Variants in MAGI2 observed in about 807,000 individuals in gnomAD.
The protein encoded by MAGI2 is membrane-associated guanylate kinase, WW and PDZ domain-containing protein 2.
Under a neutral mutation model 133.3 loss-of-function variants are expected in MAGI2, and 35 were observed. The observed-to-expected ratio is 0.26, with a 90% CI of 0.20 to 0.35. The LOEUF is 0.35. Among genes scored for constraint, MAGI2 ranks in the 10% least tolerant of loss-of-function variants. The probability of loss-of-function intolerance (pLI) is 1.00; values close to 1 mark genes in which losing one functional copy is unlikely to be tolerated. For missense variants in MAGI2, 1,636 were observed against 1,863.4 expected, an observed-to-expected ratio of 0.88 and a Z score of 2.25; for synonymous variants, 729 against 710.6, an observed-to-expected ratio of 1.03 and a Z score of -0.41.
chr7:78,300,311 T>G (rs749053636), intron 9 of MAGI2, among the ~76,000 whole-genome samples: 3 of 152,210 alleles, frequency 2.0e-5, no homozygotes, highest in Non-Finnish European at 4.4e-5. Context: ...TGTAATTGTT[T>G]TTCTATGTAA....
Position 78,019,932 on chromosome 7 carries a change from G to T in MAGI2, c.3751C>A (p.Leu1251Met). ...WSSPAAAAPGLPEVGVSLDDG... is the reference protein window; with the variant it reads ...WSSPAAAAPGMPEVGVSLDDG... ...TCCAGGGAGACGCCTACTTCCGGCA[G>T]ACCTGGGGCGGCGGCAGCGGGAGAA... is the stretch of plus-strand genomic sequence containing the variant. Residue 1251 changes from leucine to methionine, a missense_variant, in exon 22 of 22, where the codon CTG becomes ATG. Leu to Met is a conservative substitution (Grantham distance 15). This residue lies in a region of MAGI2 where 354 missense variants were observed against 298.7 expected (regional missense o/e 1.19). Transcript: ENST00000354212. The T allele has an allele frequency of 1.9e-6, 3 of 1,609,726 alleles. No individual in the cohort carries two copies. Among genetic ancestry groups the T allele is most frequent in the Non-Finnish European group, 2.5e-6 (3 of 1,178,498 alleles).
At chr7:79,100,530 G>C (rs1817886611) in intron 1 of MAGI2, among the ~76,000 whole-genome samples, 1 of 151,262 alleles carries the variant, frequency 6.6e-6, no homozygotes, top group Non-Finnish European at 1.5e-5. Context: ...TTTGTAACGT[G>C]TATATCTCTT....
chr7:79,260,623 C>T (rs1411559141), intron 1 of MAGI2, among the ~76,000 whole-genome samples: 1 of 152,064 alleles, frequency 6.6e-6, no homozygotes, highest in Non-Finnish European at 1.5e-5. Flanking sequence ...TGACATGATG[C>T]CCCAATGGAA....
intron 2 of MAGI2, among the ~76,000 whole-genome samples, chr7:78,925,227 C>T (rs1427885717): frequency 6.6e-6 from 1 of 152,046 alleles, no homozygotes; most frequent in African/African-American, 2.4e-5. Context: ...ACTAATTTTT[C>T]AATCCCTTTG....
At chr7:78,638,384 A>T (rs1809904187) in intron 2 of MAGI2, among the ~76,000 whole-genome samples, 1 of 152,248 alleles carries the variant, frequency 6.6e-6, no homozygotes, top group Non-Finnish European at 1.5e-5. Context: ...TGTACCCTAA[A>T]TCTTATCCAT....
At chr7:78,435,414 G>T (rs899031001) in intron 6 of MAGI2, among the ~76,000 whole-genome samples, 1 of 152,114 alleles carries the variant, frequency 6.6e-6, no homozygotes, top group Non-Finnish European at 1.5e-5. Context: ...AGGACCAATG[G>T]ATTTCAGCTG....
Position 79,394,415 on chromosome 7 carries a change from C to T in MAGI2, c.301+58605G>A, listed in dbSNP as rs192438499. 4.7e-3 allele frequency among the ~76,000 whole-genome samples: 715 copies of T among 152,314 alleles called. 3 individuals are homozygous for T. Among genetic ancestry groups the T allele is most frequent in the Non-Finnish European group, 8.1e-3 (552 of 68,018 alleles). ...CACTGATTGTGCCGATTCCTGTTTACTCCCATTGGTTGTCATATCCAGGTG... is the reference window on the plus strand; with the variant it reads ...CACTGATTGTGCCGATTCCTGTTTATTCCCATTGGTTGTCATATCCAGGTG... On this transcript the variant is annotated intron_variant, in intron 1 of 21. Coordinates refer to ENST00000354212, the MANE Select transcript of MAGI2 (RefSeq NM_012301.4).
chr7:78,696,214 A>G (rs1174802914), intron 2 of MAGI2, among the ~76,000 whole-genome samples: 1 of 152,198 alleles, frequency 6.6e-6, no homozygotes, highest in Non-Finnish European at 1.5e-5. Context: ...TTGGGATTAC[A>G]GGCATGAACC....
chr7:79,079,059 T>C (rs1184160680), intron 1 of MAGI2, among the ~76,000 whole-genome samples: 1 of 152,216 alleles, frequency 6.6e-6, no homozygotes, highest in African/African-American at 2.4e-5. Flanking sequence ...ACATAGCAGC[T>C]GTTCCCTAAT....
At chr7:78,648,783 C>T (rs1046269101) in intron 2 of MAGI2, among the ~76,000 whole-genome samples, 1 of 151,970 alleles carries the variant, frequency 6.6e-6, no homozygotes, top group Non-Finnish European at 1.5e-5. Context: ...CAATTAATTC[C>T]TATCTATTCT....
chr7:78,087,908 T>A (rs1816801454), intron 20 of MAGI2, among the ~76,000 whole-genome samples: 2 of 152,188 alleles, frequency 1.3e-5, no homozygotes, highest in Admixed American at 1.3e-4. Flanking sequence ...TCATTACATT[T>A]TTCATATGCT....
intron 1 of MAGI2, among the ~76,000 whole-genome samples, chr7:79,036,871 G>A (rs1214135266): frequency 4.6e-5 from 7 of 152,130 alleles, no homozygotes; most frequent in South Asian, 2.1e-4. Context: ...CTATTGAGTC[G>A]ATTTTAACAA....
chr7:78,095,587 C>T (rs545409995), intron 20 of MAGI2, among the ~76,000 whole-genome samples: 4 of 152,290 alleles, frequency 2.6e-5, no homozygotes, highest in African/African-American at 9.6e-5. Flanking sequence ...ATAAGTCTCC[C>T]ATGGAGTAGA....
At chr7:79,282,046 A>ATTTCT (rs1835682370) in intron 1 of MAGI2, among the ~76,000 whole-genome samples, 5 of 152,218 alleles carry the variant, frequency 3.3e-5, no homozygotes, top group Admixed American at 3.3e-4. Context: ...TGTGTGAAGA[A>ATTTCT]AAGGGATCAA....
At chr7:79,304,468 C>T (rs190846721) in intron 1 of MAGI2, among the ~76,000 whole-genome samples, 1 of 152,138 alleles carries the variant, frequency 6.6e-6, no homozygotes, top group African/African-American at 2.4e-5. Flanking sequence ...TGTCCTAAAA[C>T]TCCCAGAAAA....
intron 2 of MAGI2, among the ~76,000 whole-genome samples, chr7:78,714,868 G>A (rs1819552951): frequency 6.6e-6 from 1 of 152,184 alleles, no homozygotes. Flanking sequence ...AAACCCAAGA[G>A]GGAATGGCAA....
chr7:78,123,167 G>A (rs1820631541), intron 20 of MAGI2, among the ~76,000 whole-genome samples: 1 of 151,988 alleles, frequency 6.6e-6, no homozygotes, highest in Admixed American at 6.6e-5. Context: ...TTCACAGATT[G>A]TGTTTTGTTT....
Position 79,115,777 on chromosome 7 carries a change from A to C in MAGI2, c.302-108571T>G, listed in dbSNP as rs367772147. 1.4e-4 allele frequency among the ~76,000 whole-genome samples: 21 copies of C among 151,370 alleles called. No homozygotes were observed. The East Asian group carries it at 3.9e-3, about 28-fold the overall frequency. ...TATAAAATGTGGAATAAATTTTATG[A>C]GGATTCTAAGCAGTATAGCCATTTT... On this transcript the variant is annotated intron_variant, in intron 1 of 21. Transcript: ENST00000354212.
intron 1 of MAGI2, among the ~76,000 whole-genome samples, chr7:79,167,358 T>C (rs1391737128): frequency 6.8e-6 from 1 of 146,178 alleles, no homozygotes; most frequent in African/African-American, 2.5e-5. Flanking sequence ...ACCTTTTTCC[T>C]TCTTAATATG....
Sources: allele counts gnomAD v4.1 joint callset (sites outside exome capture counted in the v4.1 genomes callset), GRCh38; gene constraint gnomAD v4.1.1; regional missense constraint gnomAD v4.1.1; transcripts MANE v1.5; gene names NCBI Gene and HGNC (gene_info 2026-07-23, HGNC 2026-07-21).